Variants in PKD1L3 observed in about 807,000 individuals in gnomAD.
PKD1L3 encodes the protein polycystin-1-like protein 3.
Under a neutral mutation model 184.1 loss-of-function variants are expected in PKD1L3, and 239 were observed. That is an observed-to-expected ratio of 1.30 (90% CI 1.17 to 1.45). PKD1L3 has a LOEUF of 1.45. PKD1L3 is among the 40% of genes most tolerant of loss of function. The pLI is 0.00. For missense variants in PKD1L3, 2,660 were observed against 2,067.2 expected, an observed-to-expected ratio of 1.29 and a Z score of -5.56; for synonymous variants, 996 against 778.8, an observed-to-expected ratio of 1.28 and a Z score of -4.64.
chr16:71,967,407 T>C (rs2039543179), intron 14 of PKD1L3, 92 bp from the exon 15 acceptor site: 7 of 1,225,110 alleles, frequency 5.7e-6, no homozygotes, highest in Non-Finnish European at 3.3e-6. Flanking sequence ...CATAGAAAAC[T>C]ATTTAGATCA....
Position 71,986,358 on chromosome 16 carries a change from T to C in PKD1L3, c.697A>G (p.Thr233Ala), listed in dbSNP as rs1338452123. The C allele has an allele frequency of 1.3e-6, 2 of 1,551,500 alleles. No homozygotes were observed. Among genetic ancestry groups the C allele is most frequent in the Non-Finnish European group, 8.7e-7 (1 of 1,146,570 alleles). Residue 233 changes from threonine (T) to alanine (A), a missense_variant, in exon 5 of 30, where the codon ACA (threonine) becomes GCA (alanine). By Grantham distance (58) the Thr-to-Ala change is moderately conservative. Coordinates refer to ENST00000620267, the MANE Select transcript of PKD1L3 (RefSeq NM_181536.2). The part of the protein sequence containing the change: ...EPSSQPLPVI[T>A]QLTMPVSVTH... The stretch of plus-strand genomic sequence containing the variant: ...ACAGACACGGGCATGGTGAGCTGTG[T>C]TATCACAGGGAGAGGCTGGCTGCTG...
At chr16:71,963,393 G>A in intron 15 of PKD1L3, 42 bp from the exon 16 acceptor site, 2 of 1,499,506 alleles carry the variant, frequency 1.3e-6, no homozygotes, top group Non-Finnish European at 1.8e-6. Context: ...AGATGGGCTT[G>A]AATCAGTTGT....
intron 16 of PKD1L3, among the ~76,000 whole-genome samples, chr16:71,960,450 AAAT>A (rs1446816636): frequency 6.6e-6 from 1 of 152,150 alleles, no homozygotes; most frequent in African/African-American, 2.4e-5. Context: ...CAAACAATAG[AAAT>A]AATATCAGTA....
In PKD1L3 at chr16:71,954,127, G is replaced by A. The variant is rs765518388; in HGVS notation, c.2787C>T (p.Thr929=). The part of the protein sequence containing the change: ...INVMFWKINS[T]TAKRDEQMRP... ...TACTTTGCTCATCTCTCTTGGCAGT[G>A]GTGCTGTTTATCTTCCAGAACATAA... Residue 929 remains threonine (T), a synonymous_variant, in exon 17 of 30, where the codon ACC becomes ACT. Coordinates refer to ENST00000620267, the MANE Select transcript of PKD1L3 (RefSeq NM_181536.2). 2 of 1,546,076 alleles carry A rather than the reference G, an allele frequency of 1.3e-6. No individual in the cohort carries two copies. The highest frequency in any genetic ancestry group is 1.2e-5 in the South Asian group (1 of 83,064).
At chr16:71,978,417 G>T in intron 9 of PKD1L3, 34 bp from the exon 10 acceptor site, 1 of 1,519,336 alleles carries the variant, frequency 6.6e-7, no homozygotes, top group Non-Finnish European at 8.9e-7. Context: ...TTTATCCATT[G>T]CTGAAATATT....
At position 71,951,688 on chromosome 16, in the gene PKD1L3, C is replaced by T. The variant is rs1177730179; in HGVS notation, c.3066G>A (p.Lys1022=). 6.4e-7 allele frequency: 1 copy of T among 1,551,578 alleles called. No homozygotes were observed. ...AAGAACTCCATGGCGGCTGCTCACA[C>T]TTGGAGAGTAGGTATGTATTTCTCC... ...LLRRNTYLLS[K]CEQPPWSSWD... is the part of the protein sequence containing the mutation. Residue 1022 remains lysine, a synonymous_variant, in exon 19 of 30, where the codon AAG becomes AAA. Coordinates refer to ENST00000620267, the MANE Select transcript of PKD1L3 (RefSeq NM_181536.2).
rs1567540756 is a variant in PKD1L3, at chr16:71,980,175, A to C, written c.1144-41T>G. 4 of 1,540,870 alleles carry C rather than the reference A, an allele frequency of 2.6e-6. No homozygotes were observed. The East Asian group carries it at 7.3e-5, about 28-fold the overall frequency. ...AACAGTGTGTGACTTGTAAAACCTC[A>C]GTGTCTTATGTTAGTAAAATAATGT... On this transcript the variant is annotated intron_variant, in intron 7 of 29. Coordinates refer to ENST00000620267, the MANE Select transcript of PKD1L3 (RefSeq NM_181536.2).
intron 21 of PKD1L3, among the ~76,000 whole-genome samples, chr16:71,948,827 T>TAAA (rs2038720803): frequency 3.7e-5 from 1 of 26,954 alleles, no homozygotes; most frequent in Non-Finnish European, 8.6e-5. Context: ...AAAAAAAAAG[T>TAAA]CACTTTTTGG....
intron 9 of PKD1L3, 102 bp downstream of exon 9, chr16:71,979,684 G>A: frequency 2.2e-6 from 3 of 1,341,344 alleles, no homozygotes; most frequent in Non-Finnish European, 3.0e-6. Context: ...CATCTGATCT[G>A]GTCTGTTCAG....
chr16:71,983,204 T>G (rs1381252001), intron 6 of PKD1L3, among the ~76,000 whole-genome samples: 1 of 152,178 alleles, frequency 6.6e-6, no homozygotes, highest in Non-Finnish European at 1.5e-5. Flanking sequence ...TGGAGTGCAG[T>G]GGCAGAGTCT....
At chr16:71,971,370 T>C (rs147083485) in intron 12 of PKD1L3, among the ~76,000 whole-genome samples, 255 of 152,326 alleles carry the variant, frequency 1.7e-3, no homozygotes, top group African/African-American at 5.7e-3. Context: ...CTACCAATTC[T>C]GTGTTTGGTT....
intron 16 of PKD1L3, among the ~76,000 whole-genome samples, chr16:71,960,647 G>A: frequency 6.6e-6 from 1 of 151,942 alleles, no homozygotes; most frequent in Non-Finnish European, 1.5e-5. Context: ...CATAACTGAA[G>A]GAGAATTAAA....
chr16:71,933,967 A>C lies in PKD1L3; in HGVS notation c.4772T>G (p.Val1591Gly), dbSNP rs2038084383. The C allele has an allele frequency of 6.4e-7, 1 of 1,551,462 alleles. No individual in the cohort carries two copies. Residue 1591 changes from valine (V) to glycine (G), a missense_variant, in exon 27 of 30, where the codon GTG becomes GGG. Coordinates refer to ENST00000620267, the MANE Select transcript of PKD1L3 (RefSeq NM_181536.2). ...TAGGATGATCAGCAGAAAGCCCACC[A>C]CCTCGTCCCAGGCTCGGCTCAGTGT... ...SRTLSRAWDE[V>G]VGFLLIILIL... is the part of the protein sequence containing the mutation.
Position 71,967,932 on chromosome 16 carries a change from G to C in PKD1L3, c.2260C>G (p.Arg754Gly), listed in dbSNP as rs202207513. The C allele has an allele frequency of 1.3e-6, 2 of 1,551,276 alleles. No homozygotes were observed. Among genetic ancestry groups the C allele is most frequent in the Non-Finnish European group, 1.7e-6 (2 of 1,146,740 alleles). Residue 754 changes from arginine (R) to glycine (G), a missense_variant, in exon 14 of 30, where the codon CGA becomes GGA. Physicochemically the swap from Arg to Gly is moderately radical, Grantham distance 125. Transcript: ENST00000620267. Reference protein sequence around the residue: ...HYLIQVYTGYRRSAATTAKVV... With the variant: ...HYLIQVYTGYGRSAATTAKVV... ...TTAGCTGTTGTAGCAGCGCTTCTTCGATATCCGGTGTAGACCTGAATAAGG... is the reference window on the plus strand; with the variant it reads ...TTAGCTGTTGTAGCAGCGCTTCTTCCATATCCGGTGTAGACCTGAATAAGG...
intron 4 of PKD1L3, among the ~76,000 whole-genome samples, chr16:71,988,392 G>A (rs1193857486): frequency 1.3e-5 from 2 of 152,040 alleles, no homozygotes; most frequent in Non-Finnish European, 2.9e-5. Context: ...ATGGGGTTTC[G>A]CCATGTTGGC....
At chr16:71,989,894 G>A (rs2040521178) in intron 4 of PKD1L3, among the ~76,000 whole-genome samples, 1 of 152,068 alleles carries the variant, frequency 6.6e-6, no homozygotes, top group African/African-American at 2.4e-5. Context: ...GGCCAACATA[G>A]CAAAACTCCA....
chr16:71,999,554 T>C, intron 1 of PKD1L3, 130 bp downstream of exon 1: 1 of 882,940 alleles, frequency 1.1e-6, no homozygotes. Context: ...AGAGGAAAGA[T>C]GGTAATGAAG....
intron 11 of PKD1L3, among the ~76,000 whole-genome samples, chr16:71,976,989 C>A (rs574574598): frequency 3.1e-4 from 47 of 152,154 alleles, no homozygotes; most frequent in Non-Finnish European, 6.5e-4. Flanking sequence ...GTGATCTGCC[C>A]GCCTCGGCCT....
At chr16:71,945,394 ATATATT>A (rs1448925446) in intron 22 of PKD1L3, among the ~76,000 whole-genome samples, 85 of 98,790 alleles carry the variant, frequency 8.6e-4, no homozygotes, top group Non-Finnish European at 1.2e-3. Flanking sequence ...ATATATATAT[ATATATT>A]TATTTATTTA....
Sources: gnomAD v4.1 joint callset for allele counts (sites outside exome capture counted in the v4.1 genomes callset) on GRCh38, gnomAD v4.1.1 for gene constraint, MANE v1.5 for transcripts, NCBI Gene and HGNC (gene_info 2026-07-23, HGNC 2026-07-21) for gene names.